PATE1: variants seen among roughly 807,000 people sequenced by gnomAD.
The protein encoded by PATE1 is prostate and testis expressed 1, also known as prostate and testis expressed protein 1.
In PATE1, 21 loss-of-function variants were observed where a neutral mutation model predicts 13.1. The ratio of observed to expected loss-of-function variants is 1.61; its 90% CI spans 1.14 to 2.31. PATE1 has a LOEUF of 2.31. Among genes scored for constraint, PATE1 ranks in the 30% most tolerant of loss-of-function variants. The pLI, the probability that PATE1 is intolerant of heterozygous loss-of-function variation, is 0.00. For synonymous variants in PATE1, 52 were observed against 47.1 expected (o/e 1.10, Z -0.43); for missense variants, 166 against 147.2 (o/e 1.13, Z -0.66).
At chr11:125,747,228 T>A (rs569594202) in intron 2 of PATE1, 148 bp from the exon 3 acceptor site, 1 of 687,320 alleles carries the variant, frequency 1.5e-6, no homozygotes, top group East Asian at 2.5e-5. Context: ...GCCCAGTAGG[T>A]GACTAGGCAT....
intron 3 of PATE1, 140 bp downstream of exon 3, chr11:125,747,551 G>C: frequency 7.0e-7 from 1 of 1,421,934 alleles, no homozygotes; most frequent in Non-Finnish European, 9.7e-7. Context: ...TCTTGGCTTA[G>C]TGTATTTCCA....
Position 125,748,886 on chromosome 11 carries a change from A to G in PATE1, c.*153A>G. The G allele has an allele frequency of 1.1e-6, 1 of 905,876 alleles. No homozygotes were observed. Among genetic ancestry groups the G allele is most frequent in the Non-Finnish European group, 1.6e-6 (1 of 615,984 alleles). The allele number at this position is 905,876 out of a possible 1,614,324, so 56.1% of individuals were successfully genotyped here. On this transcript the variant is annotated 3_prime_UTR_variant, in exon 5 of 5. Coordinates refer to ENST00000305738, the MANE Select transcript of PATE1 (RefSeq NM_138294.3). ...GCTCCATCTTCTGCACACGAAAGGA[A>G]AGTCCCTCTCCTTTTCTACAGTCTC...
chr11:125,748,459 A>T (rs1006045371), intron 4 of PATE1, 141 bp from the exon 5 acceptor site: 2 of 1,075,504 alleles, frequency 1.9e-6, no homozygotes, highest in African/African-American at 3.2e-5. Context: ...AGCTTGCAAC[A>T]TCTTCCAGTT....
rs1943304092 is a variant in PATE1 at position 125,748,828 on chromosome 11, A to T, written c.*95A>T. The T allele has an allele frequency of 1.4e-6, 2 of 1,425,734 alleles. No individual in the cohort carries two copies. The highest frequency in any genetic ancestry group is 2.0e-5 in the Admixed American group (1 of 49,632). 88.3% of individuals were successfully genotyped at this position (1,425,734 alleles called of 1,614,324 possible). On this transcript the variant is annotated 3_prime_UTR_variant, in exon 5 of 5. Coordinates refer to ENST00000305738, the MANE Select transcript of PATE1 (RefSeq NM_138294.3). ...TCTAAAAAAAATCACACACACACAC[A>T]CACACACTACAGAAGAGGATTGCAA...
chr11:125,747,450 G>C, intron 3 of PATE1, 39 bp downstream of exon 3: 1 of 1,579,284 alleles, frequency 6.3e-7, no homozygotes, highest in Non-Finnish European at 8.7e-7. Flanking sequence ...CCTCAGTCTT[G>C]ATAATGTTTC....
Position 125,748,681 on chromosome 11 carries a change from T to C in PATE1, c.329T>C (p.Leu110Ser). 1.2e-6 allele frequency: 2 copies of C among 1,613,962 alleles called. No homozygotes were observed. Among genetic ancestry groups the C allele is most frequent in the Non-Finnish European group, 8.5e-7 (1 of 1,179,904 alleles). The change falls in exon 5 of 5, where the codon TTG (leucine) becomes TCG (serine). Residue 110 changes from leucine to serine, a missense_variant. Physicochemically the swap from Leu to Ser is moderately radical, Grantham distance 145 (BLOSUM62 -2). Transcript: ENST00000305738. The stretch of plus-strand genomic sequence containing the variant: ...AAAGGCATAAGGTGGAGTGTCTATT[T>C]GGTGAACTTCAGGTGCTGCAGGAGC... ...DVKGIRWSVY[L>S]VNFRCCRSHD...
chr11:125,747,795 G>A lies in PATE1; in HGVS notation c.220G>A (p.Ala74Thr). ...AATATGCACAGCAACAACAGAAGAG[G>A]CCTGCATGGTTGGAAGGATGTTCAA... ...RGICTATTEEACMVGRMFKRD... is the reference protein window; with the variant it reads ...RGICTATTEETCMVGRMFKRD... Residue 74 changes from alanine to threonine, a missense_variant, in exon 4 of 5, where the codon GCC (alanine) becomes ACC (threonine). Ala to Thr is a moderately conservative substitution (Grantham distance 58, BLOSUM62 0). Transcript: ENST00000305738. The A allele has an allele frequency of 6.2e-7, 1 of 1,613,902 alleles. No homozygotes were observed. The highest frequency in any genetic ancestry group is 8.5e-7 in the Non-Finnish European group (1 of 1,179,816).
chr11:125,747,826 A>T lies in PATE1; in HGVS notation c.247+4A>T. ...ATGGTTGGAAGGATGTTCAAAAGTA[A>T]GTTGTGGGTTGGGGAAAAGAAGAAC... On this transcript the variant is annotated splice_donor_region_variant and intron_variant, in intron 4 of 4. Transcript: ENST00000305738. The T allele has an allele frequency of 6.2e-7, 1 of 1,613,630 alleles. No individual in the cohort carries two copies. Among genetic ancestry groups the T allele is most frequent in the South Asian group, 1.1e-5 (1 of 91,074 alleles).
In PATE1 at chr11:125,748,962, G is replaced by T; in HGVS notation, c.*229G>T. 1 of 466,070 alleles carries T rather than the reference G, an allele frequency of 2.1e-6. No homozygotes were observed. Among genetic ancestry groups the T allele is most frequent in the South Asian group, 4.6e-5 (1 of 21,654 alleles). The allele number at this position is 466,070 out of a possible 1,614,324, so 28.9% of individuals were successfully genotyped here. ...TAAATAACCTTGAGAGAAAGAACAA[G>T]ATCAATATATCCTGCAGGTTGCTAC... On this transcript the variant is annotated 3_prime_UTR_variant, in exon 5 of 5. Transcript: ENST00000305738.
chr11:125,746,997 G>A (rs139059397), intron 2 of PATE1, among the ~76,000 whole-genome samples: 77 of 152,288 alleles, frequency 5.1e-4, no homozygotes, highest in Non-Finnish European at 9.8e-4. Context: ...CTAAAGCGTG[G>A]CAACTTCAGG....
intron 1 of PATE1, 152 bp downstream of exon 1, chr11:125,746,508 T>C: frequency 7.8e-7 from 1 of 1,279,542 alleles, no homozygotes; most frequent in Non-Finnish European, 1.1e-6. Context: ...GGGTATGTCA[T>C]GTCCCCAGGA....
In PATE1 at chr11:125,747,769, G is replaced by A. The variant is rs780775028; in HGVS notation, c.194G>A (p.Gly65Glu). ...FPGEKCSRGR[G>E]ICTATTEEAC... ...GGAGAAAAGTGCTCCAGAGGAAGAG[G>A]AATATGCACAGCAACAACAGAAGAG... Residue 65 changes from glycine to glutamate, a missense_variant, in exon 4 of 5, where the codon GGA becomes GAA. Coordinates refer to ENST00000305738, the MANE Select transcript of PATE1 (RefSeq NM_138294.3). 34 of 1,613,844 alleles carry A rather than the reference G, an allele frequency of 2.1e-5. No homozygotes were observed. The highest frequency in any genetic ancestry group is 2.6e-5 in the Non-Finnish European group (31 of 1,179,888).
Position 125,747,426 on chromosome 11 carries a change from G to A in PATE1, c.124+15G>A. On this transcript the variant is annotated intron_variant, in intron 3 of 4. Transcript: ENST00000305738. The stretch of plus-strand genomic sequence containing the variant: ...CAATTTTCCTGGTAAGTATGAAGAG[G>A]ACCTGTCTGATCACCTCAGTCTTGA... 1 of 1,605,346 alleles carries A rather than the reference G, an allele frequency of 6.2e-7. No homozygotes were observed. The highest frequency in any genetic ancestry group is 1.1e-5 in the South Asian group (1 of 90,866).
rs1476914910 is a variant in PATE1, at chr11:125,747,385, T to C, written c.98T>C (p.Ile33Thr). 6.2e-7 allele frequency: 1 copy of C among 1,612,392 alleles called. No individual in the cohort carries two copies. The highest frequency in any genetic ancestry group is 8.5e-7 in the Non-Finnish European group (1 of 1,179,578). The change falls in exon 3 of 5, where the codon ATA becomes ACA. Residue 33 changes from isoleucine to threonine, a missense_variant. By Grantham distance (89) the Ile-to-Thr change is moderately conservative. Transcript: ENST00000305738. The part of the protein sequence containing the change: ...LSMRNDAVNE[I>T]VAVKNNFPVI... Reference sequence around the variant, plus strand: ...TCTCTTGCCAGTACAGTCAATGAAATAGTTGCTGTGAAAAACAATTTTCCT... The same window carrying C: ...TCTCTTGCCAGTACAGTCAATGAAACAGTTGCTGTGAAAAACAATTTTCCT...
chr11:125,747,496 C>T, intron 3 of PATE1, 85 bp downstream of exon 3: 1 of 1,458,276 alleles, frequency 6.9e-7, no homozygotes, highest in Non-Finnish European at 9.5e-7. Context: ...TTTCCCCTCC[C>T]ATTTTTCAGG....
In PATE1 at chr11:125,747,408, C is replaced by T. The variant is rs777711706; in HGVS notation, c.121C>T (p.Pro41Ser). 3 of 1,612,416 alleles carry T rather than the reference C, an allele frequency of 1.9e-6. No individual in the cohort carries two copies. The highest frequency in any genetic ancestry group is 2.5e-6 in the Non-Finnish European group (3 of 1,179,174). ...AATAGTTGCTGTGAAAAACAATTTT[C>T]CTGGTAAGTATGAAGAGGACCTGTC... ...NEIVAVKNNF[P>S]VIEIVQCRMC... The change falls in exon 3 of 5, where the codon CCT becomes TCT. Residue 41 changes from proline (P) to serine (S), a missense_variant. Transcript: ENST00000305738.
Position 125,746,655 on chromosome 11 carries a change from C to A in PATE1, c.53-6C>A, listed in dbSNP as rs1360500812. ...CAGACAGTGTATCTCTTTTTTTTTC[C>A]AACAGCATTATCTGGATCACTTTCA... On this transcript the variant is annotated splice_region_variant and splice_polypyrimidine_tract_variant and intron_variant, in intron 1 of 4. Coordinates refer to ENST00000305738, the MANE Select transcript of PATE1 (RefSeq NM_138294.3). 1 of 1,610,054 alleles carries A rather than the reference C, an allele frequency of 6.2e-7. No homozygotes were observed. The highest frequency in any genetic ancestry group is 8.5e-7 in the Non-Finnish European group (1 of 1,178,816).
chr11:125,748,833 C>A lies in PATE1; in HGVS notation c.*100C>A. On this transcript the variant is annotated 3_prime_UTR_variant, in exon 5 of 5. Coordinates refer to ENST00000305738, the MANE Select transcript of PATE1 (RefSeq NM_138294.3). ...AAAAAATCACACACACACACACACACACTACAGAAGAGGATTGCAAACACA... is the reference window on the plus strand; with the variant it reads ...AAAAAATCACACACACACACACACAAACTACAGAAGAGGATTGCAAACACA... 1 of 1,374,622 alleles carries A rather than the reference C, an allele frequency of 7.3e-7. No individual in the cohort carries two copies. Among genetic ancestry groups the A allele is most frequent in the Non-Finnish European group, 9.9e-7 (1 of 1,009,918 alleles). 85.2% of individuals were successfully genotyped at this position (1,374,622 alleles called of 1,614,324 possible). A position where few individuals can be genotyped will look rare whatever the true frequency, so the allele number is the denominator to read the frequency against.
rs770898574 is a variant in PATE1 at position 125,746,642 on chromosome 11, CT to C, written c.53-18del. On this transcript the variant is annotated intron_variant, in intron 1 of 4. Coordinates refer to ENST00000305738, the MANE Select transcript of PATE1 (RefSeq NM_138294.3). Reference sequence around the variant, plus strand: ...AAAATGAGGTCTGCAGACAGTGTATCTCTTTTTTTTTCCAACAGCATTATCT... The same window carrying C: ...AAAATGAGGTCTGCAGACAGTGTATCCTTTTTTTTTCCAACAGCATTATCT... 41 of 1,613,344 alleles carry C rather than the reference CT, an allele frequency of 2.5e-5. No individual in the cohort carries two copies. The African/African-American group carries it at 4.1e-4, about 16-fold the overall frequency.
Sources: allele counts gnomAD v4.1 joint callset (sites outside exome capture counted in the v4.1 genomes callset), GRCh38; gene constraint gnomAD v4.1.1; transcripts MANE v1.5; gene names NCBI Gene and HGNC (gene_info 2026-07-23, HGNC 2026-07-21).